The following PKP4 variants were observed in gnomAD, a reference collection of about 807,000 sequenced individuals.
PKP4 encodes plakophilin-4.
Under a neutral mutation model 145.1 loss-of-function variants are expected in PKP4, and 90 were observed. The observed-to-expected ratio is 0.62, with a 90% CI of 0.52 to 0.74. The LOEUF (loss-of-function observed/expected upper bound fraction) is 0.74. Among genes scored for constraint, PKP4 ranks in the 30% least tolerant of loss-of-function variants. PKP4 has a pLI of 0.00. For synonymous variants in PKP4, 563 were observed against 577.2 expected (o/e 0.98, Z 0.35); for missense variants, 1,340 against 1,482.7 (o/e 0.90, Z 1.58).
At chr2:158,459,789 TCA>T (rs3047993) in intron 1 of PKP4, among the ~76,000 whole-genome samples, 176 of 148,604 alleles carry the variant, frequency 1.2e-3, no homozygotes, top group Middle Eastern at 3.5e-3. Flanking sequence ...GATGTATGGA[TCA>T]CACACACACA....
intron 2 of PKP4, among the ~76,000 whole-genome samples, chr2:158,552,066 T>C (rs1177912380): frequency 6.6e-6 from 1 of 152,212 alleles, no homozygotes; most frequent in East Asian, 1.9e-4. Context: ...TCCTGGATTA[T>C]CCAGGTGAGT....
chr2:158,579,881 A>G (rs1179027707), intron 3 of PKP4, among the ~76,000 whole-genome samples: 1 of 152,074 alleles, frequency 6.6e-6, no homozygotes, highest in Non-Finnish European at 1.5e-5. Flanking sequence ...TGCTATATAT[A>G]TAGCAATACT....
At chr2:158,466,622 G>A (rs764019878) in intron 1 of PKP4, among the ~76,000 whole-genome samples, 5 of 152,102 alleles carry the variant, frequency 3.3e-5, no homozygotes, top group Non-Finnish European at 1.5e-5. Context: ...AGAGAATCAC[G>A]TGAACCCGTG....
intron 11 of PKP4, among the ~76,000 whole-genome samples, chr2:158,652,602 C>T (rs540203249): frequency 1.6e-4 from 24 of 152,272 alleles, no homozygotes; most frequent in African/African-American, 4.8e-4. Context: ...AGGCAAGGGC[C>T]GTGATACAAT....
At chr2:158,607,393 G>A (rs1373010746) in intron 4 of PKP4, among the ~76,000 whole-genome samples, 5 of 152,216 alleles carry the variant, frequency 3.3e-5, no homozygotes, top group Middle Eastern at 3.4e-3. Flanking sequence ...TTCAACATAC[G>A]GAATTTGATA....
chr2:158,642,037 G>T (rs1328671352), intron 10 of PKP4, among the ~76,000 whole-genome samples: 1 of 151,834 alleles, frequency 6.6e-6, no homozygotes, highest in African/African-American at 2.4e-5. Flanking sequence ...GTGGGGGGTG[G>T]GGGGCACAGA....
At chr2:158,533,488 A>C (rs1559286774) in intron 2 of PKP4, 172 bp downstream of exon 2, 1 of 749,342 alleles carries the variant, frequency 1.3e-6, no homozygotes, top group African/African-American at 1.7e-5. Context: ...GAGCCGCTCC[A>C]GGTGCCAGTC....
Position 158,663,529 on chromosome 2 carries a change from C to T in PKP4, c.2577+84C>T. ...TTATATATATATGTTCTGCCTCAGT[C>T]AGATCAGCCCTGATGGTGAAAGGGT... On this transcript the variant is annotated intron_variant, in intron 15 of 21. Transcript: ENST00000389759. 3.3e-6 allele frequency: 4 copies of T among 1,208,062 alleles called. No individual in the cohort carries two copies. In the Admixed American group the frequency reaches 8.1e-5, roughly 24 times the overall value. 74.8% of individuals were successfully genotyped at this position (1,208,062 alleles called of 1,614,324 possible). A position where few individuals can be genotyped will look rare whatever the true frequency, so the allele number is the denominator to read the frequency against.
chr2:158,599,174 G>A (rs1241090136), intron 3 of PKP4, among the ~76,000 whole-genome samples: 1 of 152,218 alleles, frequency 6.6e-6, no homozygotes, highest in African/African-American at 2.4e-5. Context: ...AGTAGTAGCA[G>A]CGTGGAAGAG....
intron 1 of PKP4, among the ~76,000 whole-genome samples, chr2:158,482,552 A>G (rs1158242683): frequency 1.3e-5 from 2 of 152,228 alleles, no homozygotes; most frequent in Non-Finnish European, 2.9e-5. Flanking sequence ...AATTGAACAT[A>G]TAGGCCAAGT....
chr2:158,619,781 AGTCT>A (rs1338498775), intron 4 of PKP4, among the ~76,000 whole-genome samples: 2 of 152,218 alleles, frequency 1.3e-5, no homozygotes, highest in Admixed American at 6.5e-5. Flanking sequence ...ACCAGATAAA[AGTCT>A]GTCTGTCCTC....
Position 158,625,119 on chromosome 2 carries a change from C to T in PKP4, c.845C>T (p.Pro282Leu), listed in dbSNP as rs1167269344. 1.9e-6 allele frequency: 3 copies of T among 1,614,098 alleles called. No homozygotes were observed. In the African/African-American group the frequency reaches 4.0e-5, roughly 22 times the overall value. Residue 282 changes from proline (P) to leucine (L), a missense_variant, in exon 7 of 22, where the codon CCA becomes CTA. Coordinates refer to ENST00000389759, the MANE Select transcript of PKP4 (RefSeq NM_003628.6). ...ASPYSQRPAS[P>L]TAIRRIGSVT... is the part of the protein sequence containing the mutation. Reference sequence around the variant, plus strand: ...CCGTACTCACAGAGACCCGCCTCCCCAACAGCTATACGGCGGATTGGGTCA... The same window carrying T: ...CCGTACTCACAGAGACCCGCCTCCCTAACAGCTATACGGCGGATTGGGTCA...
intron 2 of PKP4, among the ~76,000 whole-genome samples, chr2:158,556,544 G>A (rs930882972): frequency 8.2e-6 from 1 of 121,962 alleles, no homozygotes; most frequent in African/African-American, 3.0e-5. Context: ...TTTTTAACTT[G>A]TACTTACCAA....
intron 16 of PKP4, 98 bp from the exon 17 acceptor site, chr2:158,669,622 T>C (rs571364761): frequency 1.0e-5 from 10 of 965,360 alleles, no homozygotes; most frequent in Non-Finnish European, 1.4e-5. Context: ...TCTTTGGGGG[T>C]TTTATTTTTA....
At chr2:158,496,878 C>T (rs1695820608) in intron 1 of PKP4, among the ~76,000 whole-genome samples, 7 of 151,310 alleles carry the variant, frequency 4.6e-5, no homozygotes, top group Admixed American at 4.6e-4. Flanking sequence ...TCTCAAATAA[C>T]CTATTATGAA....
intron 3 of PKP4, among the ~76,000 whole-genome samples, chr2:158,583,849 C>G (rs1257368729): frequency 6.6e-6 from 1 of 151,652 alleles, no homozygotes; most frequent in Non-Finnish European, 1.5e-5. Flanking sequence ...TTGTTTGTTT[C>G]TTATATTTTT....
At chr2:158,495,326 A>C (rs1482772732) in intron 1 of PKP4, among the ~76,000 whole-genome samples, 1 of 146,788 alleles carries the variant, frequency 6.8e-6, no homozygotes, top group Non-Finnish European at 1.5e-5. Flanking sequence ...TTGGACTCAC[A>C]TTGCTACAAT....
chr2:158,627,383 C>T (rs1457189798), intron 7 of PKP4, among the ~76,000 whole-genome samples: 1 of 152,006 alleles, frequency 6.6e-6, no homozygotes, highest in Admixed American at 6.6e-5. Flanking sequence ...CCTAAGAGGA[C>T]TCATTTCCTC....
Position 158,491,332 on chromosome 2 carries a change from G to T in PKP4, c.-6+34114G>T, listed in dbSNP as rs991320582. Among the ~76,000 whole-genome samples the T allele has an allele frequency of 3.9e-5, 6 of 152,306 alleles. No individual in the cohort carries two copies. In the East Asian group the frequency reaches 1.2e-3, roughly 29 times the overall value. On this transcript the variant is annotated intron_variant, in intron 1 of 21. Coordinates refer to ENST00000389759, the MANE Select transcript of PKP4 (RefSeq NM_003628.6). ...TCTTACTTTGCCTGAGCTGTGCGGT[G>T]CTGATACTCTCTAGAATGGCTGCAT...
Sources: allele counts gnomAD v4.1 joint callset (sites outside exome capture counted in the v4.1 genomes callset), GRCh38; gene constraint gnomAD v4.1.1; transcripts MANE v1.5; gene names NCBI Gene and HGNC (gene_info 2026-07-23, HGNC 2026-07-21).